MEIS3: variants seen among roughly 807,000 people sequenced by gnomAD.
MEIS3 encodes the protein Meis homeobox 3.
In MEIS3, 38 loss-of-function variants were observed where a neutral mutation model predicts 51.4. That is an observed-to-expected ratio of 0.74 (90% confidence interval 0.57 to 0.97). MEIS3 has a LOEUF of 0.97. Ranked by LOEUF, MEIS3 falls within the 50% of genes least tolerant of loss-of-function variation. MEIS3 has a pLI of 0.00. For missense variants in MEIS3, 456 were observed against 502.6 expected (o/e 0.91, Z 0.89); for synonymous variants, 198 against 201.8 (o/e 0.98, Z 0.16).
In MEIS3 at chr19:47,415,112, GGGCGGGA is replaced by G; in HGVS notation, c.397-18_397-12del. Reference sequence around the variant, plus strand: ...GATGGCCTGGATCATCTGAAAACGTGGGCGGGAGGTGGGGGGAGACAGAGGGAATTGG... The same window carrying G: ...GATGGCCTGGATCATCTGAAAACGTGGGTGGGGGGAGACAGAGGGAATTGG... On this transcript the variant is annotated splice_polypyrimidine_tract_variant and intron_variant, in intron 4 of 12. Transcript: ENST00000558555. The G allele has an allele frequency of 6.4e-7, 1 of 1,553,880 alleles. No individual in the cohort carries two copies. Among genetic ancestry groups the G allele is most frequent in the Non-Finnish European group, 8.7e-7 (1 of 1,148,236 alleles).
At chr19:47,422,022 GA>G (rs1599837423), upstream of MEIS3, among the ~76,000 whole-genome samples, 1 of 151,352 alleles carries the variant, frequency 6.6e-6, no homozygotes, top group East Asian at 2.0e-4. Context: ...CCAGCTCCAG[GA>G]GAAGGAAACA....
At chr19:47,407,734 C>G (rs938723055) in intron 8 of MEIS3, 6 of 484,750 alleles carry the variant, frequency 1.2e-5, no homozygotes, top group African/African-American at 1.2e-4. Flanking sequence ...TCACTGGCGT[C>G]GGGGAGGGAA....
At chr19:47,420,955 C>T, upstream of MEIS3, among the ~76,000 whole-genome samples, 2 of 140,090 alleles carry the variant, frequency 1.4e-5, 1 homozygote, top group Non-Finnish European at 3.2e-5. Flanking sequence ...CTCTCTCTCT[C>T]TCTCTCTCTC....
At chr19:47,416,631 G>C in intron 4 of MEIS3, 21 bp downstream of exon 4, 3 of 1,507,256 alleles carry the variant, frequency 2.0e-6, no homozygotes, top group Non-Finnish European at 2.7e-6. Context: ...GAGGGGGTGT[G>C]GGGGAGGGCT....
rs749142729 is a variant in MEIS3, at chr19:47,416,795, G to A, written c.345+9C>T. The A allele has an allele frequency of 1.2e-6, 2 of 1,613,258 alleles. No individual in the cohort carries two copies. Among genetic ancestry groups the A allele is most frequent in the South Asian group, 2.2e-5 (2 of 91,064 alleles). ...CTGACTCGGTGTGTGGTGGGTGGGA[G>A]GTGCCCACCTGCTTGGCAAAGGCAG... On this transcript the variant is annotated intron_variant, in intron 3 of 12. Coordinates refer to ENST00000558555, the MANE Select transcript of MEIS3 (RefSeq NM_001301059.2).
At chr19:47,418,072 G>A (rs924654420) in intron 1 of MEIS3, 1 of 247,036 alleles carries the variant, frequency 4.0e-6, no homozygotes, top group South Asian at 7.0e-5. Context: ...TTGCCGGAGA[G>A]GGTCACTCCG....
At chr19:47,415,220 C>A (rs1269751934) in intron 4 of MEIS3, 119 bp from the exon 5 acceptor site, 8 of 710,124 alleles carry the variant, frequency 1.1e-5, no homozygotes, top group African/African-American at 1.8e-5. Context: ...AAGAGTGAGA[C>A]AAAATGACAG....
intron 6 of MEIS3, among the ~76,000 whole-genome samples, chr19:47,411,708 TTTTTTGTATCTCTA>T (rs748867246): frequency 1.4e-4 from 21 of 151,184 alleles, no homozygotes; most frequent in Admixed American, 5.9e-4. Flanking sequence ...GCCCGGCTAA[TTTTTTGTATCTCTA>T]GTAGAGATGG....
At chr19:47,420,949 CTCTCT>C (rs1568434336), upstream of MEIS3, among the ~76,000 whole-genome samples, 20 of 122,472 alleles carry the variant, frequency 1.6e-4, no homozygotes, top group Admixed American at 1.1e-3. Flanking sequence ...CACTCTCTCT[CTCTCT>C]CTCTCTCTCT....
At chr19:47,417,818 A>G in intron 1 of MEIS3, 1 of 617,326 alleles carries the variant, frequency 1.6e-6, no homozygotes, top group East Asian at 2.7e-5. Context: ...TCTCAACAAC[A>G]TGTCACACTC....
chr19:47,415,149 G>A, intron 4 of MEIS3, 48 bp from the exon 5 acceptor site: 2 of 999,608 alleles, frequency 2.0e-6, no homozygotes, highest in Non-Finnish European at 3.1e-6. Flanking sequence ...AATTGGGGGA[G>A]GGAGCAGGGA....
At chr19:47,407,629 C>T (rs1179965313) in intron 8 of MEIS3, 3 of 1,341,668 alleles carry the variant, frequency 2.2e-6, no homozygotes, top group Non-Finnish European at 2.9e-6. Flanking sequence ...TGCCTGCCAG[C>T]CCCCGCCTGT....
chr19:47,414,361 T>C (rs796704921), intron 6 of MEIS3, among the ~76,000 whole-genome samples: 44 of 152,206 alleles, frequency 2.9e-4, no homozygotes, highest in African/African-American at 1.0e-3. Flanking sequence ...TATGCTGCTG[T>C]CGTATGGCTG....
At chr19:47,406,792 G>A (rs775395078) in intron 11 of MEIS3, 96 bp downstream of exon 11, 3 of 1,181,856 alleles carry the variant, frequency 2.5e-6, no homozygotes, top group Non-Finnish European at 3.6e-6. Context: ...GTGACACACT[G>A]TATTCCGCTT....
At position 47,417,232 on chromosome 19, in the gene MEIS3, A is replaced by G. The variant is rs1315040457; in HGVS notation, c.131T>C (p.Leu44Pro). The change falls in exon 2 of 13, where the codon CTG becomes CCG. Residue 44 changes from leucine (L) to proline (P), a missense_variant. Transcript: ENST00000558555. ...PYGPHRPPQPLPPGLDSDGLK... is the reference protein window; with the variant it reads ...PYGPHRPPQPPPPGLDSDGLK... ...GCCGTCGCTGTCCAAGCCTGGGGGCAGGGGCTGGGGAGGCCGGTGCGGGCC... is the reference window on the plus strand; with the variant it reads ...GCCGTCGCTGTCCAAGCCTGGGGGCGGGGGCTGGGGAGGCCGGTGCGGGCC... The G allele has an allele frequency of 5.0e-6, 8 of 1,594,556 alleles. No individual in the cohort carries two copies. The highest frequency in any genetic ancestry group is 6.8e-6 in the Non-Finnish European group (8 of 1,171,810).
upstream of MEIS3, among the ~76,000 whole-genome samples, chr19:47,420,169 C>G (rs1469527860): frequency 1.3e-5 from 2 of 152,124 alleles, no homozygotes; most frequent in Non-Finnish European, 2.9e-5. Context: ...TCCTCAAGGC[C>G]GGCGCACCCC....
intron 12 of MEIS3, among the ~76,000 whole-genome samples, chr19:47,403,998 T>G (rs1198916688): frequency 2.0e-5 from 3 of 151,958 alleles, no homozygotes; most frequent in African/African-American, 7.3e-5. Context: ...GCCCAGGAGT[T>G]CGAGACCAGC....
chr19:47,410,345 G>A (rs1250492076), intron 6 of MEIS3, among the ~76,000 whole-genome samples: 3 of 152,006 alleles, frequency 2.0e-5, no homozygotes, highest in Non-Finnish European at 4.4e-5. Context: ...CTACTCGGGA[G>A]GCTGAGGCGG....
upstream of MEIS3, among the ~76,000 whole-genome samples, chr19:47,420,810 G>A (rs368316035): frequency 3.3e-5 from 5 of 151,492 alleles, no homozygotes; most frequent in Admixed American, 1.3e-4. Flanking sequence ...GGGAGCAGGG[G>A]GGAGGCTCCG....
Sources: gnomAD v4.1 joint callset for allele counts (sites outside exome capture counted in the v4.1 genomes callset) on GRCh38, gnomAD v4.1.1 for gene constraint, MANE v1.5 for transcripts, NCBI Gene and HGNC (gene_info 2026-07-23, HGNC 2026-07-21) for gene names.